The following ZDHHC21 variants were observed in gnomAD, a reference collection of about 807,000 sequenced individuals.
ZDHHC21 encodes palmitoyltransferase ZDHHC21.
In ZDHHC21, 15 loss-of-function variants were observed where a neutral mutation model predicts 34.6. The observed-to-expected ratio is 0.43, with a 90% CI of 0.29 to 0.67. The LOEUF (loss-of-function observed/expected upper bound fraction) is 0.67. Ranked by LOEUF, ZDHHC21 falls within the 30% of genes least tolerant of loss-of-function variation. The pLI, the probability that ZDHHC21 is intolerant of heterozygous loss-of-function variation, is 0.14. For missense variants in ZDHHC21, 344 were observed against 327.7 expected (o/e 1.05, Z -0.38); for synonymous variants, 142 against 101.8 (o/e 1.40, Z -2.38).
chr9:14,662,494 T>G (rs1236208515), intron 5 of ZDHHC21, among the ~76,000 whole-genome samples, 168 bp from the exon 6 acceptor site: 1 of 152,206 alleles, frequency 6.6e-6, no homozygotes. Flanking sequence ...TGCTGTTCTA[T>G]TCTACATATG....
the ZDHHC21 span, among the ~76,000 whole-genome samples, chr9:14,590,601 T>A: frequency 3.9e-5 from 6 of 152,156 alleles, no homozygotes; most frequent in Admixed American, 3.9e-4. Context: ...AGGGGCTGAA[T>A]GTGGGGAGGG....
chr9:14,643,302 A>G (rs1020322245), intron 7 of ZDHHC21, among the ~76,000 whole-genome samples: 2 of 152,044 alleles, frequency 1.3e-5, no homozygotes, highest in African/African-American at 4.8e-5. Context: ...TCCTCTCAAG[A>G]ATTAGAACAT....
intron 8 of ZDHHC21, among the ~76,000 whole-genome samples, chr9:14,623,054 C>A (rs923754550): frequency 2.0e-5 from 3 of 151,748 alleles, no homozygotes; most frequent in Non-Finnish European, 2.9e-5. Context: ...AATGTTAAGA[C>A]CTGATCCTAT....
chr9:14,658,637 A>G (rs1448742463), intron 7 of ZDHHC21, 112 bp downstream of exon 7: 2 of 833,922 alleles, frequency 2.4e-6, no homozygotes, highest in Non-Finnish European at 1.8e-6. Flanking sequence ...TCGCCCGGCT[A>G]ATTTTTTGTA....
intron 2 of ZDHHC21, among the ~76,000 whole-genome samples, chr9:14,684,675 C>T (rs1475775696): frequency 4.6e-5 from 7 of 152,030 alleles, no homozygotes; most frequent in Non-Finnish European, 1.0e-4. Flanking sequence ...CTACCAATGC[C>T]TTTCTTCACA....
chr9:14,632,792 T>A (rs1176066943), intron 8 of ZDHHC21, among the ~76,000 whole-genome samples: 2 of 151,990 alleles, frequency 1.3e-5, no homozygotes, highest in African/African-American at 4.8e-5. Context: ...TCAAAGGATT[T>A]CTCCAAAGAT....
chr9:14,673,883 A>C (rs1267801098), intron 4 of ZDHHC21, among the ~76,000 whole-genome samples: 3 of 152,056 alleles, frequency 2.0e-5, no homozygotes, highest in Admixed American at 6.6e-5. Flanking sequence ...ATTAGGTACA[A>C]AACAGCAATA....
chr9:14,665,098 GA>G (rs1308953467), intron 5 of ZDHHC21, among the ~76,000 whole-genome samples: 2 of 108,784 alleles, frequency 1.8e-5, no homozygotes, highest in Admixed American at 9.5e-5. Flanking sequence ...TGAAAACTTT[GA>G]AAAAAATTTA....
intron 6 of ZDHHC21, among the ~76,000 whole-genome samples, chr9:14,661,348 T>C (rs1295471155): frequency 2.0e-5 from 3 of 152,200 alleles, no homozygotes. Flanking sequence ...TCCACTTGCA[T>C]CAATTTTAAA....
At chr9:14,632,247 T>C (rs1827499491) in intron 8 of ZDHHC21, among the ~76,000 whole-genome samples, 1 of 152,144 alleles carries the variant, frequency 6.6e-6, no homozygotes, top group Non-Finnish European at 1.5e-5. Flanking sequence ...AAGATATCTC[T>C]ATGTCATAAA....
intron 2 of ZDHHC21, among the ~76,000 whole-genome samples, chr9:14,688,843 C>T (rs760911473): frequency 4.5e-5 from 6 of 134,440 alleles, no homozygotes; most frequent in Admixed American, 7.7e-5. Flanking sequence ...GCCTGGGTGA[C>T]AGAGCGAGAC....
chr9:14,596,624 G>A, the ZDHHC21 span, among the ~76,000 whole-genome samples: 1 of 152,134 alleles, frequency 6.6e-6, no homozygotes, highest in Non-Finnish European at 1.5e-5. Context: ...ACTAACAAAT[G>A]CCTGGATTCA....
At chr9:14,644,956 G>A (rs1830042135) in intron 7 of ZDHHC21, among the ~76,000 whole-genome samples, 1 of 151,938 alleles carries the variant, frequency 6.6e-6, no homozygotes, top group South Asian at 2.1e-4. Flanking sequence ...AGCAAGGTAG[G>A]AAAGTCGGTT....
In ZDHHC21 at chr9:14,615,446, G is replaced by C. The variant is rs1051955367; in HGVS notation, c.*3520C>G. 2.0e-5 allele frequency: 3 copies of C among 151,608 alleles called. No individual in the cohort carries two copies. Among genetic ancestry groups the C allele is most frequent in the African/African-American group, 7.3e-5 (3 of 41,352 alleles). The allele number at this position is 151,608 out of a possible 1,614,324, so 9.4% of individuals were successfully genotyped here. ...TATTTCATTATTAAAAATAAACCATGCTTTTTTTCTGAAAAAGTTAATATG... is the reference window on the plus strand; with the variant it reads ...TATTTCATTATTAAAAATAAACCATCCTTTTTTTCTGAAAAAGTTAATATG... On this transcript the variant is annotated 3_prime_UTR_variant, in exon 10 of 10. Transcript: ENST00000380916.
chr9:14,642,897 T>C (rs1829627756), intron 7 of ZDHHC21, among the ~76,000 whole-genome samples: 1 of 152,158 alleles, frequency 6.6e-6, no homozygotes, highest in Admixed American at 6.5e-5. Context: ...TTAAAAAATG[T>C]GCTCATATAC....
rs78641856 is a variant in ZDHHC21, at chr9:14,648,621, G to A, written c.505-8609C>T. On this transcript the variant is annotated intron_variant, in intron 7 of 9. Transcript: ENST00000380916. Reference sequence around the variant, plus strand: ...ACCCCTGTACCCTGCTTTATTATACGTCATAATACTCATATTGTTTACCAT... The same window carrying A: ...ACCCCTGTACCCTGCTTTATTATACATCATAATACTCATATTGTTTACCAT... 8.6e-5 allele frequency among the ~76,000 whole-genome samples: 13 copies of A among 152,044 alleles called. No individual in the cohort carries two copies. The East Asian group carries it at 9.7e-4, about 11-fold the overall frequency.
At position 14,612,700 on chromosome 9, in the gene ZDHHC21, C is replaced by CTCTG. The variant is rs1000501996; in HGVS notation, c.*6262_*6265dup. ...AAAGCATCTCTCTCTCTGTCTCTCT[C>CTCTG]TCTGTCTGTCTGTCTCTCCGTATCT... On this transcript the variant is annotated 3_prime_UTR_variant, in exon 10 of 10. Transcript: ENST00000380916. 1 of 151,756 alleles carries CTCTG rather than the reference C, an allele frequency of 6.6e-6. No homozygotes were observed. Among genetic ancestry groups the CTCTG allele is most frequent in the Admixed American group, 6.6e-5 (1 of 15,178 alleles). 9.4% of individuals were successfully genotyped at this position (151,756 alleles called of 1,614,324 possible).
At chr9:14,603,324 C>T in the ZDHHC21 span, among the ~76,000 whole-genome samples, 1 of 151,844 alleles carries the variant, frequency 6.6e-6, no homozygotes, top group Admixed American at 6.6e-5. Flanking sequence ...GAGTTACCTC[C>T]TATTTGAGGT....
At chr9:14,692,893 G>T (rs779834831) in intron 1 of ZDHHC21, among the ~76,000 whole-genome samples, 1 of 151,942 alleles carries the variant, frequency 6.6e-6, no homozygotes, top group East Asian at 1.9e-4. Context: ...TCAGGATACA[G>T]ATTTAAAATA....
Sources: gnomAD v4.1 joint callset for allele counts (sites outside exome capture counted in the v4.1 genomes callset) on GRCh38, gnomAD v4.1.1 for gene constraint, MANE v1.5 for transcripts, NCBI Gene and HGNC (gene_info 2026-07-23, HGNC 2026-07-21) for gene names.